RPH3A: variants seen among roughly 807,000 people sequenced by gnomAD.
RPH3A encodes the protein rabphilin 3A.
RPH3A carries 48 observed loss-of-function variants against 102.2 expected under a neutral mutation model. The ratio of observed to expected loss-of-function variants is 0.47; its 90% CI spans 0.37 to 0.60. RPH3A has a LOEUF of 0.60. RPH3A is among the 20% of genes least tolerant of loss of function. RPH3A has a pLI of 0.00. For synonymous variants in RPH3A, 310 were observed against 324.3 expected (o/e 0.96, Z 0.47); for missense variants, 781 against 910.1 (o/e 0.86, Z 1.83).
intron 1 of RPH3A, among the ~76,000 whole-genome samples, chr12:112,693,232 C>T (rs992791085): frequency 2.0e-5 from 3 of 152,170 alleles, no homozygotes; most frequent in Non-Finnish European, 1.5e-5. Context: ...TGTATTGTGA[C>T]CCATTGGATG....
At chr12:112,665,173 G>A (rs1592932820) in intron 1 of RPH3A, among the ~76,000 whole-genome samples, 1 of 151,940 alleles carries the variant, frequency 6.6e-6, no homozygotes, top group East Asian at 1.9e-4. Flanking sequence ...CCAAATAAAC[G>A]ATCTGTACCC....
intron 1 of RPH3A, among the ~76,000 whole-genome samples, chr12:112,663,556 T>C (rs1305249689): frequency 6.6e-6 from 1 of 152,100 alleles, no homozygotes; most frequent in African/African-American, 2.4e-5. Context: ...AGCGTCTCAC[T>C]ATGTTGTTCT....
intron 5 of RPH3A, among the ~76,000 whole-genome samples, chr12:112,848,916 G>A (rs1405701281): frequency 6.6e-6 from 1 of 152,070 alleles, no homozygotes; most frequent in Non-Finnish European, 1.5e-5. Context: ...ACTGGCTGCC[G>A]GGATACAGAG....
chr12:112,836,810 G>A (rs1485580923), intron 4 of RPH3A, among the ~76,000 whole-genome samples: 1 of 152,192 alleles, frequency 6.6e-6, no homozygotes, highest in Non-Finnish European at 1.5e-5. Flanking sequence ...CCTTGTTTCT[G>A]CAGCATTTTG....
chr12:112,671,573 C>T (rs232925), intron 1 of RPH3A, among the ~76,000 whole-genome samples: 77,131 of 151,854 alleles, frequency 0.51, 20,344 homozygotes, highest in East Asian at 0.66. Context: ...GCTTTGTGCC[C>T]AGGTAAAATT....
intron 1 of RPH3A, among the ~76,000 whole-genome samples, chr12:112,741,392 T>G (rs1253842546): frequency 6.6e-6 from 1 of 152,180 alleles, no homozygotes; most frequent in East Asian, 1.9e-4. Context: ...CCCATCAATC[T>G]CCAGACTCCA....
intron 1 of RPH3A, among the ~76,000 whole-genome samples, chr12:112,580,262 CTG>C (rs1403153233): frequency 2.0e-5 from 3 of 151,892 alleles, no homozygotes; most frequent in Non-Finnish European, 4.4e-5. Context: ...CTCTTTATCT[CTG>C]TCTTTCTATA....
At chr12:112,813,157 A>C (rs561175409) in intron 2 of RPH3A, among the ~76,000 whole-genome samples, 7 of 152,106 alleles carry the variant, frequency 4.6e-5, no homozygotes, top group Non-Finnish European at 7.4e-5. Flanking sequence ...CAGAGTGGGG[A>C]CTTGAATCTT....
intron 1 of RPH3A, among the ~76,000 whole-genome samples, chr12:112,777,571 C>G (rs2040976810): frequency 6.6e-6 from 1 of 152,180 alleles, no homozygotes; most frequent in African/African-American, 2.4e-5. Flanking sequence ...GATGGAGATA[C>G]CTCTGAAGTA....
At chr12:112,886,769 A>G (rs2136257366) in intron 16 of RPH3A, among the ~76,000 whole-genome samples, 2 of 152,346 alleles carry the variant, frequency 1.3e-5, no homozygotes, top group Middle Eastern at 6.8e-3. Context: ...TTAGGGAAAA[A>G]TTATTTAATC....
intron 1 of RPH3A, among the ~76,000 whole-genome samples, chr12:112,726,877 G>A (rs2040594288): frequency 6.6e-6 from 1 of 152,090 alleles, no homozygotes; most frequent in Admixed American, 6.5e-5. Flanking sequence ...ACAAAAATTA[G>A]ATGGGCGTGG....
intron 1 of RPH3A, among the ~76,000 whole-genome samples, chr12:112,683,443 T>C (rs1298325708): frequency 1.3e-5 from 2 of 152,110 alleles, no homozygotes; most frequent in Non-Finnish European, 2.9e-5. Flanking sequence ...GATATTGCCT[T>C]AGTTTGGGTC....
intron 1 of RPH3A, among the ~76,000 whole-genome samples, chr12:112,727,148 C>T (rs1412396606): frequency 6.6e-6 from 1 of 151,978 alleles, no homozygotes. Flanking sequence ...ACTCTTGGCT[C>T]CCTGAGCAGA....
At chr12:112,586,128 T>C (rs114836096) in intron 1 of RPH3A, among the ~76,000 whole-genome samples, 243 of 152,346 alleles carry the variant, frequency 1.6e-3, no homozygotes, top group African/African-American at 5.5e-3. Context: ...CTTCAGGTGA[T>C]GTAGCAGGTG....
intron 13 of RPH3A, 46 bp from the exon 14 acceptor site, chr12:112,879,073 G>A (rs773586529): frequency 1.3e-6 from 2 of 1,487,940 alleles, no homozygotes; most frequent in South Asian, 1.1e-5. Flanking sequence ...TGTTTGCTGA[G>A]TGACTGAATA....
At position 112,894,648 on chromosome 12, in the gene RPH3A, G is replaced by A. The variant is rs1410288764; in HGVS notation, c.1846G>A (p.Glu616Lys). 3.1e-6 allele frequency: 5 copies of A among 1,613,522 alleles called. No homozygotes were observed. Among genetic ancestry groups the A allele is most frequent in the African/African-American group, 1.3e-5 (1 of 74,870 alleles). Residue 616 changes from glutamate to lysine, a missense_variant, in exon 20 of 22, where the codon GAA (glutamate) becomes AAA (lysine). Glu to Lys is a moderately conservative substitution (Grantham distance 56). Transcript: ENST00000389385. ...AATTAAAAAGAAAACCTTGAATCCC[G>A]AATTCAATGAGGTAAGGCTGCCCTA... ...TQIKKKTLNP[E>K]FNEEFFYDIK...
intron 1 of RPH3A, among the ~76,000 whole-genome samples, chr12:112,641,596 C>T (rs1300824270): frequency 6.6e-6 from 1 of 152,172 alleles, no homozygotes; most frequent in African/African-American, 2.4e-5. Context: ...AGGGTTTCAT[C>T]ATGTTGGTCA....
intron 1 of RPH3A, among the ~76,000 whole-genome samples, chr12:112,764,033 G>T (rs1455822168): frequency 1.3e-5 from 2 of 152,168 alleles, no homozygotes; most frequent in Non-Finnish European, 2.9e-5. Context: ...AGAAGACCTT[G>T]GCAGGATATT....
At chr12:112,603,454 A>G (rs2039572252) in intron 1 of RPH3A, among the ~76,000 whole-genome samples, 2 of 152,200 alleles carry the variant, frequency 1.3e-5, no homozygotes, top group Admixed American at 1.3e-4. Context: ...CTCCATAGAC[A>G]GAGTAGGGCG....
Sources: gnomAD v4.1 joint callset for allele counts (sites outside exome capture counted in the v4.1 genomes callset) on GRCh38, gnomAD v4.1.1 for gene constraint, MANE v1.5 for transcripts, NCBI Gene and HGNC (gene_info 2026-07-23, HGNC 2026-07-21) for gene names.